SLC6A5: variants seen among roughly 807,000 people sequenced by gnomAD.
SLC6A5 encodes the protein solute carrier family 6 member 5, also known as sodium- and chloride-dependent glycine transporter 2.
In SLC6A5, 58 loss-of-function variants were observed where a neutral mutation model predicts 90.5. The ratio of observed to expected loss-of-function variants is 0.64; its 90% confidence interval spans 0.52 to 0.80. The LOEUF is 0.80. Among genes scored for constraint, SLC6A5 ranks in the 30% least tolerant of loss-of-function variants. The pLI is 0.00. For synonymous variants in SLC6A5, 427 were observed against 401.4 expected, an observed-to-expected ratio of 1.06 and a Z score of -0.76; for missense variants, 1,015 against 1,017.6, an observed-to-expected ratio of 1.00 and a Z score of 0.03.
intron 10 of SLC6A5, among the ~76,000 whole-genome samples, chr11:20,631,792 G>A (rs1334442414): frequency 4.6e-5 from 7 of 152,164 alleles, no homozygotes; most frequent in Non-Finnish European, 4.4e-5. Context: ...CTTCCTTCAA[G>A]GAGCTGACTG....
At position 20,599,645 on chromosome 11, in the gene SLC6A5, C is replaced by T. The variant is rs750240468; in HGVS notation, c.-28C>T. ...TGTCAATAGCGGGTTTCACCCTCCA[C>T]CAGTTCAGTCTGTTGCCTGTGTCAG... On this transcript the variant is annotated 5_prime_UTR_variant, in exon 1 of 16. Coordinates refer to ENST00000525748, the MANE Select transcript of SLC6A5 (RefSeq NM_004211.5). 3.7e-6 allele frequency: 6 copies of T among 1,614,142 alleles called. No individual in the cohort carries two copies. The highest frequency in any genetic ancestry group is 5.1e-6 in the Non-Finnish European group (6 of 1,179,992).
intron 15 of SLC6A5, among the ~76,000 whole-genome samples, chr11:20,652,933 T>C (rs1225417625): frequency 2.0e-5 from 3 of 152,198 alleles, no homozygotes; most frequent in Admixed American, 2.0e-4. Context: ...CTCAGCTGAT[T>C]AAAATGTCAC....
chr11:20,601,411 G>A lies in SLC6A5; in HGVS notation c.286G>A (p.Asp96Asn), dbSNP rs746610188. 3.1e-6 allele frequency: 5 copies of A among 1,605,466 alleles called. No individual in the cohort carries two copies. The highest frequency in any genetic ancestry group is 1.1e-5 in the South Asian group (1 of 89,918). ...RAQAASAALR[D>N]LREAQGAQAS... ...GCAGGCGGCCTCTGCAGCTCTGCGGGACTTGAGAGAGGCGCAAGGCGCGCA... is the reference window on the plus strand; with the variant it reads ...GCAGGCGGCCTCTGCAGCTCTGCGGAACTTGAGAGAGGCGCAAGGCGCGCA... The change falls in exon 2 of 16, where the codon GAC becomes AAC. Residue 96 changes from aspartate (D) to asparagine (N), a missense_variant. Physicochemically the swap from Asp to Asn is conservative, Grantham distance 23. Transcript: ENST00000525748.
At position 20,654,944 on chromosome 11, in the gene SLC6A5, C is replaced by T; in HGVS notation, c.*76C>T. 2 of 1,434,826 alleles carry T rather than the reference C, an allele frequency of 1.4e-6. No individual in the cohort carries two copies. Among genetic ancestry groups the T allele is most frequent in the Admixed American group, 1.7e-5 (1 of 59,798 alleles). 88.9% of individuals were successfully genotyped at this position (1,434,826 alleles called of 1,614,324 possible). On this transcript the variant is annotated 3_prime_UTR_variant, in exon 16 of 16. Transcript: ENST00000525748. Reference sequence around the variant, plus strand: ...CCTCCTAATGTTTTCCATAGCTCTCCTCCCATTTTTCTTCATCTTTCTTCC... The same window carrying T: ...CCTCCTAATGTTTTCCATAGCTCTCTTCCCATTTTTCTTCATCTTTCTTCC...
chr11:20,608,663 C>A (rs553125153), intron 5 of SLC6A5, among the ~76,000 whole-genome samples: 202 of 152,246 alleles, frequency 1.3e-3, no homozygotes, highest in African/African-American at 4.7e-3. Flanking sequence ...TTTCTTCTTT[C>A]CCCAGTAGAT....
intron 10 of SLC6A5, among the ~76,000 whole-genome samples, chr11:20,631,968 C>G (rs571304311): frequency 6.6e-6 from 1 of 152,288 alleles, no homozygotes; most frequent in African/African-American, 2.4e-5. Context: ...CCAGCACTTT[C>G]CAGGGGTGCA....
intron 5 of SLC6A5, 81 bp downstream of exon 5, chr11:20,607,733 G>A: frequency 9.0e-7 from 1 of 1,106,176 alleles, no homozygotes; most frequent in Non-Finnish European, 1.4e-6. Flanking sequence ...CATATATTAT[G>A]CATGCTAGGA....
chr11:20,604,522 G>A, intron 3 of SLC6A5, 98 bp downstream of exon 3: 1 of 1,471,500 alleles, frequency 6.8e-7, no homozygotes, highest in Non-Finnish European at 9.3e-7. Context: ...CGGGCGGGGA[G>A]GCTCAGGACA....
chr11:20,650,827 C>T (rs1456605986), intron 14 of SLC6A5, among the ~76,000 whole-genome samples: 1 of 151,822 alleles, frequency 6.6e-6, no homozygotes, highest in East Asian at 1.9e-4. Flanking sequence ...CTACCACGCC[C>T]GGCTAATTTT....
intron 13 of SLC6A5, among the ~76,000 whole-genome samples, chr11:20,641,892 C>T (rs1853321155): frequency 6.6e-6 from 1 of 151,982 alleles, no homozygotes; most frequent in African/African-American, 2.4e-5. Context: ...GCTGTGAGCC[C>T]TTTTGTTGCC....
chr11:20,601,693 AGTGTCCT>A, intron 2 of SLC6A5, 28 bp downstream of exon 2: 2 of 1,604,668 alleles, frequency 1.2e-6, no homozygotes, highest in Non-Finnish European at 1.7e-6. Flanking sequence ...CGGCCCGCAC[AGTGTCCT>A]GCTCTCCAGC....
chr11:20,606,742 C>A (rs1390310163), intron 3 of SLC6A5, among the ~76,000 whole-genome samples: 4 of 152,152 alleles, frequency 2.6e-5, no homozygotes, highest in African/African-American at 9.7e-5. Flanking sequence ...AAAAACCCAT[C>A]AGCACATATC....
chr11:20,631,989 C>T (rs1173574198), intron 10 of SLC6A5, among the ~76,000 whole-genome samples: 1 of 152,254 alleles, frequency 6.6e-6, no homozygotes, highest in East Asian at 1.9e-4. Flanking sequence ...ATTATCTCTC[C>T]CTGGAGAGAG....
intron 7 of SLC6A5, among the ~76,000 whole-genome samples, chr11:20,620,346 A>G (rs1852866391): frequency 6.6e-6 from 1 of 152,206 alleles, no homozygotes; most frequent in Non-Finnish European, 1.5e-5. Context: ...GTGACTCTGG[A>G]CAAGCTATTT....
intron 15 of SLC6A5, among the ~76,000 whole-genome samples, chr11:20,654,160 G>C (rs1853595113): frequency 6.6e-6 from 1 of 152,082 alleles, no homozygotes; most frequent in African/African-American, 2.4e-5. Flanking sequence ...CGTGCATTTT[G>C]TCAACAGATA....
At chr11:20,615,560 GGTTTCACCGT>G (rs1344480402) in intron 6 of SLC6A5, among the ~76,000 whole-genome samples, 1 of 151,984 alleles carries the variant, frequency 6.6e-6, no homozygotes, top group African/African-American at 2.4e-5. Context: ...GTAGAGACGG[GGTTTCACCGT>G]GTTAGCCAGG....
chr11:20,618,708 G>A (rs961530768), intron 7 of SLC6A5, among the ~76,000 whole-genome samples: 14 of 152,058 alleles, frequency 9.2e-5, no homozygotes, highest in African/African-American at 2.2e-4. Flanking sequence ...AGGCTGAGGC[G>A]GGTGGATCAT....
chr11:20,642,209 T>G (rs1853327839), intron 13 of SLC6A5, among the ~76,000 whole-genome samples: 2 of 142,338 alleles, frequency 1.4e-5, no homozygotes, highest in Non-Finnish European at 1.5e-5. Context: ...CAGAGATCTG[T>G]GTGCTCAGAG....
At chr11:20,604,213 G>T (rs918519026) in intron 2 of SLC6A5, 73 bp from the exon 3 acceptor site, 3 of 1,529,968 alleles carry the variant, frequency 2.0e-6, no homozygotes, top group Admixed American at 1.9e-5. Flanking sequence ...CCCCTAGCGG[G>T]GGGGAGGGTG....
Sources: gnomAD v4.1 joint callset for allele counts (sites outside exome capture counted in the v4.1 genomes callset) on GRCh38, gnomAD v4.1.1 for gene constraint, MANE v1.5 for transcripts, NCBI Gene and HGNC (gene_info 2026-07-23, HGNC 2026-07-21) for gene names.